DTNB: variants seen among roughly 807,000 people sequenced by gnomAD.
DTNB encodes the protein DTN-B.
In DTNB, 63 loss-of-function variants were observed where a neutral mutation model predicts 90.7. The observed-to-expected ratio is 0.69, with a 90% CI of 0.57 to 0.86. The LOEUF is 0.86. Among genes scored for constraint, DTNB ranks in the 40% least tolerant of loss-of-function variants. DTNB has a pLI of 0.00. For synonymous variants in DTNB, 277 were observed against 286.7 expected (o/e 0.97, Z 0.34); for missense variants, 744 against 807.1 (o/e 0.92, Z 0.95).
chr2:25,600,150 G>A (rs1405039877), intron 5 of DTNB, among the ~76,000 whole-genome samples: 1 of 152,170 alleles, frequency 6.6e-6, no homozygotes, highest in Admixed American at 6.5e-5. Flanking sequence ...ATCGTTCATT[G>A]AATCTGAATG....
chr2:25,571,459 C>T (rs1190967917), intron 8 of DTNB, among the ~76,000 whole-genome samples: 1 of 152,170 alleles, frequency 6.6e-6, no homozygotes, highest in Non-Finnish European at 1.5e-5. Context: ...TCCTACAATC[C>T]TCCCCTGCTC....
At chr2:25,450,810 T>C (rs1574629564) in intron 12 of DTNB, among the ~76,000 whole-genome samples, 1 of 152,148 alleles carries the variant, frequency 6.6e-6, no homozygotes, top group East Asian at 1.9e-4. Context: ...TAAATAGTAT[T>C]TTTCTTTTTG....
At chr2:25,578,023 C>G (rs904258237) in intron 7 of DTNB, among the ~76,000 whole-genome samples, 1 of 150,970 alleles carries the variant, frequency 6.6e-6, no homozygotes, top group Non-Finnish European at 1.5e-5. Flanking sequence ...AAAAAGAAAA[C>G]GAAAAGAGGG....
chr2:25,553,961 A>G (rs535584524), intron 8 of DTNB, among the ~76,000 whole-genome samples: 4 of 152,184 alleles, frequency 2.6e-5, no homozygotes, highest in East Asian at 3.9e-4. Context: ...AAAAAAATAC[A>G]AAGATTTGCT....
intron 9 of DTNB, among the ~76,000 whole-genome samples, chr2:25,499,158 A>G (rs2150545923): frequency 6.6e-6 from 1 of 151,526 alleles, no homozygotes; most frequent in Middle Eastern, 3.4e-3. Context: ...CGGAGGACGC[A>G]CTCAGTCGAG....
At chr2:25,508,097 C>CT (rs1338259361) in intron 9 of DTNB, among the ~76,000 whole-genome samples, 13 of 152,266 alleles carry the variant, frequency 8.5e-5, no homozygotes, top group Non-Finnish European at 1.5e-4. Context: ...TTTTGCTGTT[C>CT]TATATAGCAC....
intron 16 of DTNB, among the ~76,000 whole-genome samples, chr2:25,405,693 T>C (rs748128080): frequency 1.3e-5 from 2 of 151,994 alleles, no homozygotes; most frequent in Non-Finnish European, 2.9e-5. Context: ...AGTACCTACA[T>C]AATATCTGGT....
At chr2:25,442,208 G>A (rs766046584) in intron 12 of DTNB, among the ~76,000 whole-genome samples, 1 of 152,224 alleles carries the variant, frequency 6.6e-6, no homozygotes, top group Non-Finnish European at 1.5e-5. Flanking sequence ...GCAGATTACA[G>A]AGAGGAATCT....
chr2:25,388,090 G>C (rs1180056040), intron 17 of DTNB, 112 bp downstream of exon 17: 2 of 1,484,578 alleles, frequency 1.3e-6, no homozygotes, highest in South Asian at 1.3e-5. Flanking sequence ...GTCAAAATCT[G>C]ATCATTCCAA....
chr2:25,493,323 C>T (rs2150486259), intron 9 of DTNB, among the ~76,000 whole-genome samples: 1 of 152,256 alleles, frequency 6.6e-6, no homozygotes, highest in Middle Eastern at 3.4e-3. Flanking sequence ...CTATTTTGCC[C>T]TCAATCCTAG....
intron 18 of DTNB, among the ~76,000 whole-genome samples, chr2:25,386,553 C>G (rs1274623107): frequency 6.6e-6 from 1 of 152,194 alleles, no homozygotes; most frequent in Non-Finnish European, 1.5e-5. Flanking sequence ...TCGTTAGTGA[C>G]TCTCTGGCCC....
chr2:25,380,753 C>T (rs1325843218), intron 19 of DTNB, among the ~76,000 whole-genome samples: 1 of 152,160 alleles, frequency 6.6e-6, no homozygotes, highest in East Asian at 1.9e-4. Flanking sequence ...AGAGACAGTG[C>T]CCTGGGGCCT....
At chr2:25,512,304 G>A (rs1452576008) in intron 9 of DTNB, among the ~76,000 whole-genome samples, 2 of 152,140 alleles carry the variant, frequency 1.3e-5, no homozygotes, top group African/African-American at 2.4e-5. Context: ...CAACAAGCAA[G>A]GTCCTATAAT....
chr2:25,669,980 T>C (rs770060657), intron 1 of DTNB, among the ~76,000 whole-genome samples: 3 of 151,648 alleles, frequency 2.0e-5, no homozygotes, highest in Admixed American at 1.3e-4. Context: ...AGCAGCAACA[T>C]GGTTATAGCC....
intron 16 of DTNB, among the ~76,000 whole-genome samples, chr2:25,402,707 AC>A (rs1414753905): frequency 6.6e-6 from 1 of 152,104 alleles, no homozygotes; most frequent in Non-Finnish European, 1.5e-5. Flanking sequence ...ATAACCTGTC[AC>A]TCACTGTGAT....
chr2:25,489,176 C>A (rs1419301566), intron 9 of DTNB, among the ~76,000 whole-genome samples: 1 of 152,174 alleles, frequency 6.6e-6, no homozygotes, highest in African/African-American at 2.4e-5. Flanking sequence ...GAAATACAGA[C>A]TAACTAGAAA....
intron 10 of DTNB, among the ~76,000 whole-genome samples, chr2:25,471,305 T>G (rs567086406): frequency 3.3e-5 from 5 of 152,088 alleles, no homozygotes; most frequent in Non-Finnish European, 7.4e-5. Flanking sequence ...CCCAGCGGGG[T>G]CTCGTCTTGA....
chr2:25,663,183 T>C (rs1003195614), intron 1 of DTNB, among the ~76,000 whole-genome samples: 7 of 152,062 alleles, frequency 4.6e-5, no homozygotes, highest in African/African-American at 1.7e-4. Context: ...TGTTCCTGTG[T>C]TGGTCTGCTG....
chr2:25,407,798 A>G (rs1188475133), intron 16 of DTNB, among the ~76,000 whole-genome samples: 3 of 152,182 alleles, frequency 2.0e-5, no homozygotes, highest in Admixed American at 2.0e-4. Context: ...GGCGTGAAGG[A>G]TAAAAAACTA....
Sources: gnomAD v4.1 joint callset for allele counts (sites outside exome capture counted in the v4.1 genomes callset) on GRCh38, gnomAD v4.1.1 for gene constraint, MANE v1.5 for transcripts, NCBI Gene and HGNC (gene_info 2026-07-23, HGNC 2026-07-21) for gene names.